Variants in DLGAP1 observed in about 807,000 individuals in gnomAD.
DLGAP1 encodes DLG associated protein 1.
DLGAP1 carries 11 observed loss-of-function variants against 90.8 expected under a neutral mutation model. That is an observed-to-expected ratio of 0.12 (90% confidence interval 0.08 to 0.20). The LOEUF (loss-of-function observed/expected upper bound fraction) is 0.20, where lower values mean the gene tolerates loss of function less well. DLGAP1 is among the 10% of genes least tolerant of loss of function. The probability of loss-of-function intolerance (pLI) is 1.00; values close to 1 mark genes in which losing one functional copy is unlikely to be tolerated. For synonymous variants in DLGAP1, 558 were observed against 540.7 expected (o/e 1.03, Z -0.44); for missense variants, 1,050 against 1,333.8 (o/e 0.79, Z 3.31).
intron 2 of DLGAP1, among the ~76,000 whole-genome samples, chr18:4,082,282 C>T (rs1321791866): frequency 7.0e-6 from 1 of 142,586 alleles, no homozygotes; most frequent in African/African-American, 2.6e-5. Flanking sequence ...GGGGAGGTTG[C>T]AGTGAGCCGA....
At chr18:4,151,737 C>T (rs2144407519) in intron 1 of DLGAP1, among the ~76,000 whole-genome samples, 1 of 152,174 alleles carries the variant, frequency 6.6e-6, no homozygotes, top group Non-Finnish European at 1.5e-5. Context: ...TGGTTCTTTT[C>T]ATTCTGGAAA....
At chr18:4,335,040 C>T (rs2081039157) in intron 1 of DLGAP1, among the ~76,000 whole-genome samples, 1 of 151,874 alleles carries the variant, frequency 6.6e-6, no homozygotes, top group African/African-American at 2.4e-5. Context: ...CTATTAAAAA[C>T]AAATTCTTGG....
intron 1 of DLGAP1, among the ~76,000 whole-genome samples, chr18:4,204,327 T>G (rs1473946254): frequency 6.6e-6 from 1 of 152,226 alleles, no homozygotes; most frequent in Non-Finnish European, 1.5e-5. Flanking sequence ...AGGTTGTTAT[T>G]CTTTTCATTC....
chr18:3,744,467 C>A (rs1175784614), intron 5 of DLGAP1, among the ~76,000 whole-genome samples: 3 of 151,992 alleles, frequency 2.0e-5, no homozygotes, highest in African/African-American at 7.3e-5. Context: ...ATGCAAAAAA[C>A]CCCCACAACA....
At chr18:3,593,995 G>A (rs558791656) in intron 7 of DLGAP1, 1 of 145,486 alleles carries the variant, frequency 6.9e-6, no homozygotes, top group Middle Eastern at 3.5e-3. Flanking sequence ...AGGGGTCAGA[G>A]AGTTCGTCAT....
chr18:4,357,844 C>T (rs1257049295), intron 1 of DLGAP1, among the ~76,000 whole-genome samples: 1 of 152,236 alleles, frequency 6.6e-6, no homozygotes, highest in Non-Finnish European at 1.5e-5. Context: ...TTCCACAGCC[C>T]TATGGCAGTG....
At chr18:4,022,713 T>C (rs957880416) in intron 2 of DLGAP1, among the ~76,000 whole-genome samples, 1 of 152,134 alleles carries the variant, frequency 6.6e-6, no homozygotes, top group African/African-American at 2.4e-5. Context: ...AGCAGTAGAA[T>C]TGGTGGATTG....
intron 4 of DLGAP1, among the ~76,000 whole-genome samples, chr18:3,859,688 G>A (rs1369155322): frequency 2.6e-5 from 4 of 152,078 alleles, no homozygotes; most frequent in African/African-American, 7.2e-5. Flanking sequence ...GCTTGAAAAG[G>A]CAAGAAAAGG....
At chr18:4,254,975 T>TG (rs2145218449) in intron 1 of DLGAP1, among the ~76,000 whole-genome samples, 2 of 152,286 alleles carry the variant, frequency 1.3e-5, no homozygotes, top group South Asian at 4.1e-4. Flanking sequence ...CGCTGAGCCT[T>TG]GAAGAGGCCA....
intron 4 of DLGAP1, among the ~76,000 whole-genome samples, chr18:3,831,999 G>A (rs983202688): frequency 6.6e-6 from 1 of 152,184 alleles, no homozygotes; most frequent in Non-Finnish European, 1.5e-5. Context: ...ATACAAATAG[G>A]TTTGGGTCAC....
chr18:3,858,046 T>C (rs556200655), intron 4 of DLGAP1, among the ~76,000 whole-genome samples: 59 of 152,306 alleles, frequency 3.9e-4, no homozygotes, highest in African/African-American at 1.4e-3. Context: ...TAAATGAACA[T>C]TTGCCTACGG....
intron 5 of DLGAP1, among the ~76,000 whole-genome samples, chr18:3,765,130 C>CTTTTTTTTTT (rs1212463684): frequency 8.8e-6 from 1 of 113,236 alleles, no homozygotes; most frequent in African/African-American, 3.7e-5. Context: ...TTTTTTTTTT[C>CTTTTTTTTTT]TTTTTTTTTT....
At chr18:3,875,677 C>A (rs899326856) in intron 4 of DLGAP1, among the ~76,000 whole-genome samples, 2 of 152,192 alleles carry the variant, frequency 1.3e-5, no homozygotes, top group Non-Finnish European at 2.9e-5. Context: ...GCAAATTAGA[C>A]AACATCTGAA....
chr18:4,419,525 AT>A (rs1374314060), intron 1 of DLGAP1, among the ~76,000 whole-genome samples: 1 of 152,154 alleles, frequency 6.6e-6, no homozygotes, highest in African/African-American at 2.4e-5. Flanking sequence ...TGGAAAATAA[AT>A]TTTTTTCATA....
chr18:4,051,853 C>T (rs2075138354), intron 2 of DLGAP1, among the ~76,000 whole-genome samples: 1 of 152,182 alleles, frequency 6.6e-6, no homozygotes, highest in South Asian at 2.1e-4. Flanking sequence ...GGTAAATACA[C>T]CCATTCCAAA....
At chr18:4,072,677 C>T (rs2075467259) in intron 2 of DLGAP1, among the ~76,000 whole-genome samples, 1 of 152,090 alleles carries the variant, frequency 6.6e-6, no homozygotes, top group African/African-American at 2.4e-5. Context: ...GCCATGTTGG[C>T]CACGCTGGTC....
intron 1 of DLGAP1, among the ~76,000 whole-genome samples, chr18:4,441,924 A>G (rs1210926585): frequency 6.6e-6 from 1 of 152,216 alleles, no homozygotes; most frequent in Non-Finnish European, 1.5e-5. Context: ...CCTTCGTTCA[A>G]TTATCAGCTC....
chr18:4,092,851 T>C (rs1188850523), intron 2 of DLGAP1, among the ~76,000 whole-genome samples: 2 of 152,200 alleles, frequency 1.3e-5, no homozygotes, highest in African/African-American at 4.8e-5. Flanking sequence ...CCTTTGTGCC[T>C]GCAGCTTCTG....
At position 4,084,746 on chromosome 18, in the gene DLGAP1, T is replaced by C. The variant is rs7229130; in HGVS notation, c.-159+66434A>G. On this transcript the variant is annotated intron_variant, in intron 2 of 12. Coordinates refer to ENST00000315677, the MANE Select transcript of DLGAP1 (RefSeq NM_004746.4). The surrounding 1 kb of genome is among the most constrained non-coding windows in gnomAD (Gnocchi z 4.0). ...CTTATTTCTTTGGGCTTTCATTTCC[T>C]GATAAAGACTCCCATGTCATGCAAC... 0.28 allele frequency among the ~76,000 whole-genome samples: 43,191 copies of C among 152,160 alleles called. 6,491 individuals carry two copies. Among genetic ancestry groups the C allele is most frequent in the African/African-American group, 0.33 (13,542 of 41,500 alleles).
Sources: gnomAD v4.1 joint callset for allele counts (sites outside exome capture counted in the v4.1 genomes callset) on GRCh38, gnomAD v4.1.1 for gene constraint, Gnocchi (gnomAD v3.1) non-coding constraint, MANE v1.5 for transcripts, NCBI Gene and HGNC (gene_info 2026-07-23, HGNC 2026-07-21) for gene names.